Variants in RGL1 observed in about 807,000 individuals in gnomAD.
The protein encoded by RGL1 is ral guanine nucleotide dissociation stimulator like 1.
A neutral mutation model predicts 95.2 loss-of-function variants in RGL1; 24 were observed. The ratio of observed to expected loss-of-function variants is 0.25; its 90% CI spans 0.18 to 0.35. The LOEUF (loss-of-function observed/expected upper bound fraction) is 0.35. RGL1 is among the 10% of genes least tolerant of loss of function. The pLI, the probability that RGL1 is intolerant of heterozygous loss-of-function variation, is 1.00. For synonymous variants in RGL1, 329 were observed against 344.9 expected, an observed-to-expected ratio of 0.95 and a Z score of 0.51; for missense variants, 715 against 936.3, an observed-to-expected ratio of 0.76 and a Z score of 3.08.
intron 1 of RGL1, among the ~76,000 whole-genome samples, chr1:183,673,748 C>T (rs1418071052): frequency 6.6e-6 from 1 of 152,222 alleles, no homozygotes; most frequent in African/African-American, 2.4e-5. Context: ...TGATGGCATT[C>T]TCTACCTTTG....
At chr1:183,767,519 T>G (rs1011670228) in intron 2 of RGL1, among the ~76,000 whole-genome samples, 11 of 152,304 alleles carry the variant, frequency 7.2e-5, no homozygotes, top group African/African-American at 2.6e-4. Context: ...AGAAATTCAC[T>G]TCAGGGATGT....
chr1:183,907,288 T>C (rs1668391982), intron 14 of RGL1, among the ~76,000 whole-genome samples, 187 bp downstream of exon 14: 1 of 152,206 alleles, frequency 6.6e-6, no homozygotes. Context: ...CACTCCCCTC[T>C]CTGTTGTGAA....
intron 1 of RGL1, chr1:183,648,694 T>A: frequency 6.2e-7 from 1 of 1,614,214 alleles, no homozygotes; most frequent in Non-Finnish European, 8.5e-7. Flanking sequence ...TAAGGACAAT[T>A]AGAGCAATCG....
intron 2 of RGL1, among the ~76,000 whole-genome samples, chr1:183,815,389 A>G (rs562427044): frequency 3.3e-5 from 5 of 152,372 alleles, no homozygotes; most frequent in African/African-American, 1.2e-4. Flanking sequence ...GCACAGGGAA[A>G]AGACTTGCCA....
intron 1 of RGL1, among the ~76,000 whole-genome samples, chr1:183,707,697 T>A (rs1006641390): frequency 5.3e-5 from 8 of 151,706 alleles, no homozygotes; most frequent in African/African-American, 1.9e-4. Flanking sequence ...AGAATTGTCC[T>A]GAGGAGGGGA....
chr1:183,636,198 G>A (rs974199156), exon 1 of RGL1: 3 of 399,400 alleles, frequency 7.5e-6, no homozygotes, highest in Non-Finnish European at 1.3e-5. Flanking sequence ...CGTAAGGTCC[G>A]GCTGGCTGGG....
intron 1 of RGL1, among the ~76,000 whole-genome samples, chr1:183,697,357 T>C (rs1183997307): frequency 6.6e-6 from 1 of 152,220 alleles, no homozygotes; most frequent in Non-Finnish European, 1.5e-5. Flanking sequence ...TTCTAATATT[T>C]TACATGGTTT....
At chr1:183,661,924 G>C (rs1651660471) in intron 1 of RGL1, among the ~76,000 whole-genome samples, 1 of 150,240 alleles carries the variant, frequency 6.7e-6, no homozygotes, top group African/African-American at 2.5e-5. Context: ...ATCAATAAAT[G>C]TAATCCAGCA....
Position 183,704,647 on chromosome 1 carries a change from G to C in RGL1, c.-32-37479G>C, listed in dbSNP as rs186702503. On this transcript the variant is annotated intron_variant, in intron 1 of 18. Transcript: ENST00000304685. ...GTGCGTAGGGTCTTGGGTGGTTGTA[G>C]CTTCAGGTAAGAGTGTAGCCAGGTT... Among the ~76,000 whole-genome samples, 392 of 152,322 alleles carry C rather than the reference G, an allele frequency of 2.6e-3. 2 individuals carry two copies. The highest frequency in any genetic ancestry group is 4.2e-3 in the Non-Finnish European group (286 of 68,034).
At chr1:183,753,595 G>T (rs889056493) in intron 2 of RGL1, among the ~76,000 whole-genome samples, 2 of 152,164 alleles carry the variant, frequency 1.3e-5, no homozygotes, top group African/African-American at 4.8e-5. Context: ...CACAGGAAGG[G>T]AACATTGACC....
chr1:183,912,664 C>G (rs4400572), intron 15 of RGL1, among the ~76,000 whole-genome samples: 39,475 of 152,098 alleles, frequency 0.26, 5,496 homozygotes, highest in Non-Finnish European at 0.3. Flanking sequence ...AAGTCAGTGA[C>G]TTAAAACAAC....
chr1:183,837,523 CAG>C (rs1663749622), intron 2 of RGL1, among the ~76,000 whole-genome samples: 1 of 152,196 alleles, frequency 6.6e-6, no homozygotes, highest in African/African-American at 2.4e-5. Flanking sequence ...GCAAATGCAA[CAG>C]TGACTATTTT....
chr1:183,798,969 A>G (rs1320036882), intron 2 of RGL1, among the ~76,000 whole-genome samples: 1 of 140,386 alleles, frequency 7.1e-6, no homozygotes, highest in African/African-American at 2.7e-5. Flanking sequence ...CAGTGGCACC[A>G]TCTCAGCTCA....
At chr1:183,879,662 G>C (rs1169880418) in intron 4 of RGL1, among the ~76,000 whole-genome samples, 2 of 152,368 alleles carry the variant, frequency 1.3e-5, no homozygotes, top group Middle Eastern at 3.4e-3. Flanking sequence ...TAGGCAGGCA[G>C]AGTGTTCTGT....
intron 2 of RGL1, among the ~76,000 whole-genome samples, chr1:183,787,104 A>C (rs957168175): frequency 6.6e-6 from 1 of 152,244 alleles, no homozygotes; most frequent in Non-Finnish European, 1.5e-5. Flanking sequence ...CATTCCATCA[A>C]TACAACTCAT....
rs12057239 is a variant in RGL1, at chr1:183,661,216, G to A, written c.-33+24715G>A. ...AAGAAATAACTAAAATCAGAGCAGA[G>A]CTGAAGGAAATAGAGACACAAAAAA... is the stretch of plus-strand genomic sequence containing the variant. On this transcript the variant is annotated intron_variant, in intron 1 of 18. Coordinates refer to the RGL1 transcript ENST00000304685. 2.5e-3 allele frequency among the ~76,000 whole-genome samples: 374 copies of A among 152,176 alleles called. 7 individuals carry two copies. The East Asian group carries it at 0.052, about 21-fold the overall frequency.
Position 183,880,730 on chromosome 1 carries a change from G to C in RGL1, c.540G>C (p.Pro180=), listed in dbSNP as rs142969307. Residue 180 remains proline, a synonymous_variant, in exon 5 of 18, where the codon CCG becomes CCC. Transcript: ENST00000360851. ...KLLDYLTRMM[P]GSDPERRAQN... ...TGGATTATCTCACACGGATGATGCC[G>C]GGCTCTGACCCAGAAAGAAGAGCAC... 133 of 1,613,866 alleles carry C rather than the reference G, an allele frequency of 8.2e-5. No individual in the cohort carries two copies. The highest frequency in any genetic ancestry group is 1.3e-4 in the Admixed American group (8 of 60,006).
chr1:183,838,430 A>T (rs1663814285), intron 2 of RGL1, among the ~76,000 whole-genome samples: 1 of 152,194 alleles, frequency 6.6e-6, no homozygotes, highest in Admixed American at 6.5e-5. Context: ...ATTGTTTGTT[A>T]TTACAGCTCC....
intron 14 of RGL1, among the ~76,000 whole-genome samples, chr1:183,908,515 T>G (rs1668468422): frequency 6.6e-6 from 1 of 152,236 alleles, no homozygotes; most frequent in South Asian, 2.1e-4. Context: ...ACTCTAGATT[T>G]ATGAGCTTTT....
Sources: gnomAD v4.1 joint callset for allele counts (sites outside exome capture counted in the v4.1 genomes callset) on GRCh38, gnomAD v4.1.1 for gene constraint, MANE v1.5 for transcripts, NCBI Gene and HGNC (gene_info 2026-07-23, HGNC 2026-07-21) for gene names.